PTK2: variants seen among roughly 807,000 people sequenced by gnomAD.
PTK2 encodes focal adhesion kinase 1.
PTK2 carries 45 observed loss-of-function variants against 150.1 expected under a neutral mutation model. The observed-to-expected ratio is 0.30, with a 90% CI of 0.24 to 0.38. The LOEUF (loss-of-function observed/expected upper bound fraction) is 0.38, where lower values mean the gene tolerates loss of function less well. Among genes scored for constraint, PTK2 ranks in the 10% least tolerant of loss-of-function variants. PTK2 has a pLI of 1.00. For synonymous variants in PTK2, 432 were observed against 449.2 expected, an observed-to-expected ratio of 0.96 and a Z score of 0.48; for missense variants, 919 against 1,307.3, an observed-to-expected ratio of 0.70 and a Z score of 4.58.
intron 25 of PTK2, 44 bp from the exon 29 acceptor site, chr8:140,701,066 A>C: frequency 6.3e-7 from 1 of 1,585,114 alleles, no homozygotes; most frequent in Non-Finnish European, 8.6e-7. Context: ...TCATAAGTCT[A>C]TTCCTATGCT....
At chr8:140,663,980 T>A (rs2085251662) in intron 31 of PTK2, among the ~76,000 whole-genome samples, 1 of 152,134 alleles carries the variant, frequency 6.6e-6, no homozygotes, top group Non-Finnish European at 1.5e-5. Flanking sequence ...AAGACATTCA[T>A]TAATTTAAAA....
chr8:140,949,612 C>G (rs912287800), intron 1 of PTK2, among the ~76,000 whole-genome samples: 1 of 152,234 alleles, frequency 6.6e-6, no homozygotes. Context: ...GACACACCAG[C>G]CCCCTGCCGC....
At chr8:140,975,240 A>C (rs894688422) in intron 1 of PTK2, among the ~76,000 whole-genome samples, 3 of 152,104 alleles carry the variant, frequency 2.0e-5, no homozygotes, top group African/African-American at 7.2e-5. Context: ...GTGGATTACT[A>C]CCTTCCTTAC....
intron 1 of PTK2, among the ~76,000 whole-genome samples, chr8:140,946,236 T>C (rs529022954): frequency 2.0e-4 from 31 of 152,232 alleles, no homozygotes; most frequent in African/African-American, 7.2e-4. Flanking sequence ...CAACTGCAAT[T>C]TTCAGTCCAA....
At chr8:140,925,669 C>T (rs1008806163) in exon 2 of PTK2, 9 of 985,148 alleles carry the variant, frequency 9.1e-6, no homozygotes, top group South Asian at 9.4e-5. Context: ...ACCTCCCTTC[C>T]GTTATTCTTG....
intron 1 of PTK2, among the ~76,000 whole-genome samples, chr8:140,966,621 G>C (rs1324409662): frequency 1.3e-5 from 2 of 152,138 alleles, no homozygotes; most frequent in Non-Finnish European, 2.9e-5. Context: ...GTATAAAGTA[G>C]CTATTTCTCA....
chr8:140,898,034 AC>A (rs1435018505), intron 2 of PTK2, among the ~76,000 whole-genome samples: 4 of 152,134 alleles, frequency 2.6e-5, no homozygotes, highest in Non-Finnish European at 5.9e-5. Flanking sequence ...AACTGTTTTT[AC>A]GTGGCTTAGG....
chr8:140,756,886 G>A (rs1353359408), intron 16 of PTK2, among the ~76,000 whole-genome samples: 1 of 151,702 alleles, frequency 6.6e-6, no homozygotes, highest in African/African-American at 2.4e-5. Flanking sequence ...CTACTCGGGA[G>A]GCTGAGGCAG....
intron 1 of PTK2, among the ~76,000 whole-genome samples, chr8:140,987,710 G>A (rs2100193848): frequency 6.6e-6 from 1 of 152,140 alleles, no homozygotes; most frequent in Non-Finnish European, 1.5e-5. Context: ...TGGTGGGAAT[G>A]CAAAATGGTA....
intron 12 of PTK2, among the ~76,000 whole-genome samples, chr8:140,794,588 C>T (rs540966049): frequency 1.3e-5 from 2 of 152,284 alleles, no homozygotes; most frequent in East Asian, 3.9e-4. Context: ...GCACTTAACA[C>T]AGCTAATCAC....
chr8:140,894,069 A>G (rs2100155136), intron 2 of PTK2, among the ~76,000 whole-genome samples: 1 of 152,154 alleles, frequency 6.6e-6, no homozygotes, highest in South Asian at 2.1e-4. Flanking sequence ...AGTTGATACC[A>G]TACTCCCCCC....
At chr8:140,766,473 T>G (rs2100072344) in intron 14 of PTK2, among the ~76,000 whole-genome samples, 1 of 152,182 alleles carries the variant, frequency 6.6e-6, no homozygotes, top group Admixed American at 6.5e-5. Flanking sequence ...CCCTGACTCA[T>G]TTTCCTCATT....
chr8:140,796,758 G>A (rs987172111), intron 12 of PTK2, among the ~76,000 whole-genome samples: 2 of 152,164 alleles, frequency 1.3e-5, no homozygotes, highest in East Asian at 1.9e-4. Context: ...AATTCTGGGA[G>A]TTAATGTTTT....
At chr8:140,781,134 G>A (rs2154568460) in intron 14 of PTK2, among the ~76,000 whole-genome samples, 1 of 152,266 alleles carries the variant, frequency 6.6e-6, no homozygotes, top group South Asian at 2.1e-4. Context: ...GGTGGGGGAA[G>A]ACTTGAGGTC....
intron 7 of PTK2, among the ~76,000 whole-genome samples, chr8:140,838,710 T>C (rs986108140): frequency 2.0e-5 from 3 of 151,952 alleles, no homozygotes; most frequent in Non-Finnish European, 4.4e-5. Context: ...AAAAACTACA[T>C]ATTAAAAACT....
intron 5 of PTK2, among the ~76,000 whole-genome samples, chr8:140,859,890 C>T (rs2100135042): frequency 6.6e-6 from 1 of 152,146 alleles, no homozygotes; most frequent in African/African-American, 2.4e-5. Context: ...TATAACAGTT[C>T]TGGAATTGCG....
chr8:140,938,716 A>G (rs888512956), intron 1 of PTK2, among the ~76,000 whole-genome samples: 6 of 152,256 alleles, frequency 3.9e-5, no homozygotes, highest in African/African-American at 9.6e-5. Flanking sequence ...AATGTCTGGC[A>G]GCAGCCACAG....
In PTK2 at chr8:140,946,832, A is replaced by G. The variant is rs180910679; in HGVS notation, c.-121-21083T>C. Among the ~76,000 whole-genome samples the G allele has an allele frequency of 3.3e-3, 500 of 152,290 alleles. 16 individuals carry two copies. Among genetic ancestry groups the G allele is most frequent in the Admixed American group, 0.03 (463 of 15,290 alleles). ...CAGACTCTGTTTGGTCTACTGATAC[A>G]TCTATCTAAAGCAATTAGAACCATG... is the stretch of plus-strand genomic sequence containing the variant. On this transcript the variant is annotated intron_variant, in intron 1 of 31. Transcript: ENST00000522684.
At chr8:140,997,260 G>A (rs2100198148) in intron 1 of PTK2, among the ~76,000 whole-genome samples, 2 of 152,184 alleles carry the variant, frequency 1.3e-5, no homozygotes, top group Admixed American at 1.3e-4. Flanking sequence ...CAAAGAAAGT[G>A]GTTTCCTGAA....
Sources: allele counts gnomAD v4.1 joint callset (sites outside exome capture counted in the v4.1 genomes callset), GRCh38; gene constraint gnomAD v4.1.1; transcripts MANE v1.5; gene names NCBI Gene and HGNC (gene_info 2026-07-23, HGNC 2026-07-21).